TBC1D5: variants seen among roughly 807,000 people sequenced by gnomAD.
The protein encoded by TBC1D5 is TBC1 domain family, member 5.
TBC1D5 carries 75 observed loss-of-function variants against 100.3 expected under a neutral mutation model. The observed-to-expected ratio is 0.75, with a 90% CI of 0.62 to 0.91. TBC1D5 has a LOEUF of 0.91. Ranked by LOEUF, TBC1D5 falls within the 40% of genes least tolerant of loss-of-function variation. TBC1D5 has a pLI of 0.00. For missense variants in TBC1D5, 910 were observed against 942.4 expected (o/e 0.97, Z 0.45); for synonymous variants, 323 against 325.6 (o/e 0.99, Z 0.09).
At chr3:17,535,601 T>C (rs1222005080) in intron 2 of TBC1D5, among the ~76,000 whole-genome samples, 2 of 152,052 alleles carry the variant, frequency 1.3e-5, no homozygotes, top group East Asian at 3.9e-4. Flanking sequence ...TAACTTGGCA[T>C]AAAAAGTACT....
intron 3 of TBC1D5, among the ~76,000 whole-genome samples, chr3:17,489,820 G>T (rs1207002724): frequency 6.6e-6 from 1 of 152,190 alleles, no homozygotes; most frequent in Admixed American, 6.5e-5. Context: ...ATGAACATAT[G>T]TGTGCATGTA....
chr3:17,279,545 C>T (rs2080353574), intron 15 of TBC1D5, among the ~76,000 whole-genome samples: 1 of 152,104 alleles, frequency 6.6e-6, no homozygotes, highest in Admixed American at 6.6e-5. Context: ...TGAATATAAA[C>T]AGAAGTTTCA....
intron 17 of TBC1D5, among the ~76,000 whole-genome samples, chr3:17,227,399 C>T (rs1309080182): frequency 2.0e-5 from 3 of 152,084 alleles, no homozygotes; most frequent in Admixed American, 6.5e-5. Context: ...AGATTAAGTT[C>T]AACAGAGTGC....
At chr3:17,212,693 A>C (rs1004863371) in intron 18 of TBC1D5, among the ~76,000 whole-genome samples, 3 of 152,086 alleles carry the variant, frequency 2.0e-5, no homozygotes, top group African/African-American at 7.2e-5. Context: ...GGCCTAGCCT[A>C]ATGTGCGTGT....
chr3:17,328,864 A>G (rs1349617840), intron 13 of TBC1D5, among the ~76,000 whole-genome samples: 3 of 152,212 alleles, frequency 2.0e-5, no homozygotes, highest in African/African-American at 7.2e-5. Flanking sequence ...CAAATACTAG[A>G]ATTATATCTA....
chr3:17,445,332 G>C (rs1400075003), intron 3 of TBC1D5, among the ~76,000 whole-genome samples: 2 of 151,582 alleles, frequency 1.3e-5, no homozygotes, highest in African/African-American at 4.8e-5. Context: ...TTCTTAAAGA[G>C]GACGGTCTTT....
At chr3:17,638,805 A>G (rs975350676) in intron 1 of TBC1D5, among the ~76,000 whole-genome samples, 1 of 152,174 alleles carries the variant, frequency 6.6e-6, no homozygotes, top group African/African-American at 2.4e-5. Context: ...AATCTTAAAA[A>G]TAATATTGAG....
chr3:17,169,437 A>C (rs531791775), intron 19 of TBC1D5, among the ~76,000 whole-genome samples: 6 of 152,344 alleles, frequency 3.9e-5, no homozygotes, highest in African/African-American at 1.4e-4. Flanking sequence ...ACATGTTTCC[A>C]GCCTGACAAT....
At chr3:17,311,826 C>T (rs1342949175) in intron 13 of TBC1D5, among the ~76,000 whole-genome samples, 2 of 151,986 alleles carry the variant, frequency 1.3e-5, no homozygotes, top group African/African-American at 2.4e-5. Context: ...CCTGTGATCA[C>T]GAAATGATAC....
chr3:17,275,863 G>A (rs990596565), intron 15 of TBC1D5, among the ~76,000 whole-genome samples: 29 of 152,048 alleles, frequency 1.9e-4, no homozygotes, highest in African/African-American at 5.8e-4. Context: ...CTCAGAGTCC[G>A]GTTTCACTAA....
At chr3:17,613,930 C>T (rs945343867) in intron 2 of TBC1D5, among the ~76,000 whole-genome samples, 8 of 152,156 alleles carry the variant, frequency 5.3e-5, no homozygotes, top group Admixed American at 5.2e-4. Flanking sequence ...GTTGCCATTG[C>T]TTTTGGTGTT....
intron 20 of TBC1D5, 120 bp downstream of exon 21, chr3:17,167,629 T>G: frequency 1.2e-6 from 1 of 828,334 alleles, no homozygotes; most frequent in Non-Finnish European, 2.0e-6. Context: ...AGGGGCTCTG[T>G]CTGGGAGGAA....
intron 18 of TBC1D5, among the ~76,000 whole-genome samples, chr3:17,207,643 T>C (rs1013084445): frequency 3.3e-5 from 5 of 151,260 alleles, no homozygotes; most frequent in South Asian, 2.1e-4. Flanking sequence ...CTAAAGAAGA[T>C]AGGCTGTGGA....
chr3:17,231,060 T>C (rs1294512806), intron 17 of TBC1D5, among the ~76,000 whole-genome samples: 1 of 152,122 alleles, frequency 6.6e-6, no homozygotes, highest in Non-Finnish European at 1.5e-5. Flanking sequence ...TGACCTGTAG[T>C]TGGCTGAATC....
chr3:17,504,917 A>T (rs559646306), intron 3 of TBC1D5, among the ~76,000 whole-genome samples: 10 of 152,324 alleles, frequency 6.6e-5, no homozygotes, highest in African/African-American at 2.4e-4. Flanking sequence ...TAAATTACCA[A>T]TTTCTTCATT....
intron 3 of TBC1D5, among the ~76,000 whole-genome samples, chr3:17,483,262 G>T (rs377055051): frequency 2.0e-5 from 3 of 151,968 alleles, no homozygotes; most frequent in Admixed American, 6.6e-5. Flanking sequence ...GAATTCTATG[G>T]AATGCCATTA....
chr3:17,545,132 A>T (rs2096402218), intron 2 of TBC1D5, among the ~76,000 whole-genome samples: 1 of 152,186 alleles, frequency 6.6e-6, no homozygotes, highest in East Asian at 1.9e-4. Flanking sequence ...TGACACCGAA[A>T]AAATCGTACA....
chr3:17,163,814 G>C (rs2066324105), intron 21 of TBC1D5, among the ~76,000 whole-genome samples: 1 of 152,186 alleles, frequency 6.6e-6, no homozygotes, highest in South Asian at 2.1e-4. Flanking sequence ...CTGAGGAACT[G>C]AATTTTTAAT....
chr3:17,588,061 G>C (rs1243217631), intron 2 of TBC1D5, among the ~76,000 whole-genome samples: 1 of 151,978 alleles, frequency 6.6e-6, no homozygotes, highest in Non-Finnish European at 1.5e-5. Context: ...ACAAGAAAAA[G>C]TAACACTACA....
Sources: gnomAD v4.1 joint callset for allele counts (sites outside exome capture counted in the v4.1 genomes callset) on GRCh38, gnomAD v4.1.1 for gene constraint, MANE v1.5 for transcripts, NCBI Gene and HGNC (gene_info 2026-07-23, HGNC 2026-07-21) for gene names.